DOCK10: variants seen among roughly 807,000 people sequenced by gnomAD.
DOCK10 encodes dedicator of cytokinesis protein 10.
DOCK10 carries 145 observed loss-of-function variants against 280.1 expected under a neutral mutation model. That is an observed-to-expected ratio of 0.52 (90% CI 0.45 to 0.59). The LOEUF (loss-of-function observed/expected upper bound fraction) is 0.59, where lower values mean the gene tolerates loss of function less well. Among genes scored for constraint, DOCK10 ranks in the 20% least tolerant of loss-of-function variants. The probability of loss-of-function intolerance (pLI) is 0.00; values close to 1 mark genes in which losing one functional copy is unlikely to be tolerated. For missense variants in DOCK10, 2,368 were observed against 2,651.7 expected, an observed-to-expected ratio of 0.89 and a Z score of 2.35; for synonymous variants, 915 against 942.2, an observed-to-expected ratio of 0.97 and a Z score of 0.53.
intron 45 of DOCK10, among the ~76,000 whole-genome samples, chr2:224,794,227 G>C (rs1692398815): frequency 6.6e-6 from 1 of 152,152 alleles, no homozygotes; most frequent in African/African-American, 2.4e-5. Flanking sequence ...CAGAGTTTAG[G>C]ACTATCCTAG....
chr2:224,920,338 T>A (rs572658446), intron 2 of DOCK10, among the ~76,000 whole-genome samples: 257 of 151,864 alleles, frequency 1.7e-3, no homozygotes, highest in Non-Finnish European at 2.5e-3. Flanking sequence ...CTTCTCAAAG[T>A]GCTGGGATTA....
chr2:224,912,120 A>AT (rs1701048356), intron 3 of DOCK10, among the ~76,000 whole-genome samples: 1 of 151,266 alleles, frequency 6.6e-6, no homozygotes, highest in Non-Finnish European at 1.5e-5. Context: ...GTTGCTTCCA[A>AT]TTCTGGCAGC....
intron 1 of DOCK10, among the ~76,000 whole-genome samples, chr2:224,945,641 C>T (rs559123959): frequency 6.6e-6 from 1 of 151,860 alleles, no homozygotes; most frequent in Non-Finnish European, 1.5e-5. Flanking sequence ...CGTACTTATT[C>T]ATATTTATAA....
At chr2:225,003,687 T>C (rs922539474) in intron 1 of DOCK10, among the ~76,000 whole-genome samples, 9 of 152,256 alleles carry the variant, frequency 5.9e-5, no homozygotes, top group African/African-American at 2.2e-4. Flanking sequence ...GGTAACATTG[T>C]TGATGTTTCA....
intron 1 of DOCK10, among the ~76,000 whole-genome samples, chr2:225,028,064 G>T (rs1433694125): frequency 6.6e-6 from 1 of 152,106 alleles, no homozygotes. Flanking sequence ...CCACAAAGAT[G>T]TCCACACCCT....
At chr2:225,017,239 T>C (rs1052742803) in intron 1 of DOCK10, among the ~76,000 whole-genome samples, 1 of 152,154 alleles carries the variant, frequency 6.6e-6, no homozygotes, top group Non-Finnish European at 1.5e-5. Context: ...GTCAAAGTTA[T>C]GTATTACCAG....
rs117340159 is a variant in DOCK10, at chr2:224,973,105, A to G, written c.124-41437T>C. ...AGTTTGTAAATTTTTCTTTGTTTCA[A>G]TAAGACAATATACACAATAATAATA... On this transcript the variant is annotated intron_variant, in intron 1 of 55. Coordinates refer to ENST00000258390, the MANE Select transcript of DOCK10 (RefSeq NM_014689.3). Among the ~76,000 whole-genome samples the G allele has an allele frequency of 9.8e-4, 150 of 152,352 alleles. 5 individuals are homozygous for G. The East Asian group carries it at 0.023, about 23-fold the overall frequency.
chr2:225,034,601 T>A (rs957712819), intron 1 of DOCK10, among the ~76,000 whole-genome samples: 5 of 152,192 alleles, frequency 3.3e-5, no homozygotes, highest in Admixed American at 2.0e-4. Context: ...CCCTTCTGAC[T>A]TTCCTTAAGC....
At chr2:224,956,643 A>G (rs1026034927) in intron 1 of DOCK10, among the ~76,000 whole-genome samples, 3 of 149,870 alleles carry the variant, frequency 2.0e-5, no homozygotes, top group African/African-American at 7.4e-5. Context: ...AAAAAAAAAA[A>G]AAAAAAAGAG....
At chr2:225,008,528 G>A (rs1293261218) in intron 1 of DOCK10, among the ~76,000 whole-genome samples, 1 of 152,116 alleles carries the variant, frequency 6.6e-6, no homozygotes, top group Non-Finnish European at 1.5e-5. Context: ...TCTTCTGTAG[G>A]CTAACCAAAA....
chr2:225,039,594 C>T (rs1203621445), intron 1 of DOCK10, among the ~76,000 whole-genome samples: 1 of 152,134 alleles, frequency 6.6e-6, no homozygotes, highest in Non-Finnish European at 1.5e-5. Flanking sequence ...CAACAACTGC[C>T]TTAAAATTTG....
chr2:225,031,449 G>A (rs1208248061), intron 1 of DOCK10, among the ~76,000 whole-genome samples: 3 of 152,172 alleles, frequency 2.0e-5, no homozygotes, highest in Non-Finnish European at 4.4e-5. Flanking sequence ...GACAATGTGG[G>A]CACAGGGCCG....
chr2:224,936,180 T>A (rs1702683703), intron 1 of DOCK10, among the ~76,000 whole-genome samples: 1 of 152,206 alleles, frequency 6.6e-6, no homozygotes, highest in South Asian at 2.1e-4. Flanking sequence ...TATTAGTACA[T>A]GCCATAAATA....
At chr2:224,921,970 T>A (rs920966520) in intron 2 of DOCK10, among the ~76,000 whole-genome samples, 5 of 151,706 alleles carry the variant, frequency 3.3e-5, no homozygotes, top group African/African-American at 9.7e-5. Context: ...AAAATAAAAA[T>A]TAGCTGGGCA....
intron 1 of DOCK10, chr2:224,946,831 A>G: frequency 6.6e-7 from 1 of 1,505,950 alleles, no homozygotes; most frequent in East Asian, 2.5e-5. Context: ...CAAAACATTG[A>G]CATTTGGATA....
intron 1 of DOCK10, among the ~76,000 whole-genome samples, chr2:225,029,164 AT>A (rs1375147348): frequency 1.3e-5 from 2 of 151,908 alleles, no homozygotes; most frequent in South Asian, 2.1e-4. Context: ...CTTCTATTTT[AT>A]TTTATTTATT....
chr2:225,000,314 T>C (rs1366951616), intron 1 of DOCK10, among the ~76,000 whole-genome samples: 2 of 152,196 alleles, frequency 1.3e-5, no homozygotes, highest in East Asian at 1.9e-4. Context: ...TAATGATCTA[T>C]GTGGCCAGAT....
At chr2:224,853,420 C>T (rs955424638) in intron 16 of DOCK10, among the ~76,000 whole-genome samples, 2 of 152,112 alleles carry the variant, frequency 1.3e-5, no homozygotes, top group African/African-American at 4.8e-5. Flanking sequence ...ACTAATGAAC[C>T]TCTGAACATA....
At chr2:225,022,448 C>T (rs1689806404) in intron 1 of DOCK10, among the ~76,000 whole-genome samples, 1 of 147,040 alleles carries the variant, frequency 6.8e-6, no homozygotes, top group African/African-American at 2.4e-5. Flanking sequence ...CAACTGGCTC[C>T]AAGTCACAAA....
Sources: allele counts gnomAD v4.1 joint callset (sites outside exome capture counted in the v4.1 genomes callset), GRCh38; gene constraint gnomAD v4.1.1; transcripts MANE v1.5; gene names NCBI Gene and HGNC (gene_info 2026-07-23, HGNC 2026-07-21).